The following PLCB2 variants were observed in gnomAD, a reference collection of about 807,000 sequenced individuals.
The protein encoded by PLCB2 is phospholipase C beta 2, also known as 1-phosphatidylinositol 4,5-bisphosphate phosphodiesterase beta-2.
In PLCB2, 115 loss-of-function variants were observed where a neutral mutation model predicts 141.7. The ratio of observed to expected loss-of-function variants is 0.81; its 90% CI spans 0.70 to 0.95. PLCB2 has a LOEUF of 0.95. Among genes scored for constraint, PLCB2 ranks in the 40% least tolerant of loss-of-function variants. The pLI is 0.00. For synonymous variants in PLCB2, 603 were observed against 595.6 expected (o/e 1.01, Z -0.18); for missense variants, 1,403 against 1,541.1 (o/e 0.91, Z 1.50).
chr15:40,302,593 T>C lies in PLCB2; in HGVS notation c.248A>G (p.Asp83Gly), dbSNP rs759386070. The C allele has an allele frequency of 1.2e-5, 20 of 1,614,190 alleles. No individual in the cohort carries two copies. In the South Asian group the frequency reaches 2.0e-4, roughly 16 times the overall value. ...AKMPKSQKLR[D>G]VFNMDFPDNS... ...ATCAGGAAAGTCCATGTTGAAGACG[T>C]CCCGGAGCTTCTGGCTCTGCAGCAC... Residue 83 changes from aspartate (D) to glycine (G), a missense_variant, in exon 4 of 32, where the codon GAC becomes GGC. This residue lies in a region of PLCB2 where 975 missense variants were observed against 1,141.1 expected (regional missense o/e 0.85). Transcript: ENST00000260402.
rs1037909798 is a variant in PLCB2, at chr15:40,291,819, C to T, written c.2602+30G>A. The T allele has an allele frequency of 3.1e-6, 5 of 1,613,832 alleles. No homozygotes were observed. In the African/African-American group the frequency reaches 4.0e-5, roughly 13 times the overall value. ...CTGTGGGTGCAGAGGTGGAGGTGCC[C>T]CCAGTAGGTGTGCGGACCGAAGCTC... On this transcript the variant is annotated intron_variant, in intron 24 of 31. Transcript: ENST00000260402.
At chr15:40,284,634 G>A (rs1479016639), downstream of PLCB2, 2 of 449,838 alleles carry the variant, frequency 4.4e-6, no homozygotes, top group South Asian at 1.6e-5. Context: ...GAGATCAAGG[G>A]ATCGAGACCA....
downstream of PLCB2, chr15:40,284,493 C>T (rs1409294823): frequency 4.4e-6 from 2 of 455,878 alleles, no homozygotes; most frequent in South Asian, 3.1e-5. Flanking sequence ...GGCTCTCGGG[C>T]CTTTTAAAGA....
At chr15:40,294,885 G>C (rs1262639943) in intron 18 of PLCB2, 51 bp downstream of exon 18, 7 of 1,612,274 alleles carry the variant, frequency 4.3e-6, no homozygotes, top group Admixed American at 1.7e-5. Context: ...TGTAAAGGTG[G>C]GGGGCGCAGG....
In PLCB2 at chr15:40,298,674, G is replaced by A. The variant is rs778475807; in HGVS notation, c.885C>T (p.Leu295=). The A allele has an allele frequency of 4.7e-5, 76 of 1,614,078 alleles. No homozygotes were observed. Among genetic ancestry groups the A allele is most frequent in the Non-Finnish European group, 6.1e-5 (72 of 1,180,030 alleles). Residue 295 remains leucine, a synonymous_variant, in exon 10 of 32, where the codon CTC becomes CTT. Transcript: ENST00000260402. ...CCAGCACGCTGTTCTCTGGCCCACA[G>A]AGAAACCAGACCATGCCTTCAGGTG... ...QLSPEGMVWF[L]CGPENSVLAQ...
In PLCB2 at chr15:40,296,757, C is replaced by T. The variant is rs375606189; in HGVS notation, c.1475G>A (p.Gly492Asp). The T allele has an allele frequency of 5.0e-6, 8 of 1,613,324 alleles. No homozygotes were observed. Among genetic ancestry groups the T allele is most frequent in the East Asian group, 4.5e-5 (2 of 44,886 alleles). ...CCTCCCCGACTCACCTGTGCCCTCA[C>T]CTGCAGGGGCACTGGGTGGGCTGCT... ...EGSSPPSAPAGEGTVWAGEEG... is the reference protein window; with the variant it reads ...EGSSPPSAPADEGTVWAGEEG... The change falls in exon 14 of 32, where the codon GGT (glycine) becomes GAT (aspartate). Residue 492 changes from glycine (G) to aspartate (D), a missense_variant. Transcript: ENST00000260402.
At position 40,296,310 on chromosome 15, in the gene PLCB2, A is replaced by C; in HGVS notation, c.1682T>G (p.Phe561Cys). 3 of 1,613,346 alleles carry C rather than the reference A, an allele frequency of 1.9e-6. No homozygotes were observed. Among genetic ancestry groups the C allele is most frequent in the Non-Finnish European group, 2.5e-6 (3 of 1,179,644 alleles). Residue 561 changes from phenylalanine (F) to cysteine (C), a missense_variant, in exon 16 of 32, where the codon TTT becomes TGT. Phe to Cys is a radical substitution (Grantham distance 205, BLOSUM62 -2). Around this residue, in one of 4 missense-constraint regions of PLCB2, gnomAD observed 975 missense variants for 1,141.1 expected, o/e 0.85. Coordinates refer to ENST00000260402, the MANE Select transcript of PLCB2 (RefSeq NM_004573.3). ...NYIQPTKFVS[F>C]EFSAQKNRSY... ...TGCTAACTTACGGGCAGAGAACTCA[A>C]AGGAGACGAACTTGGTGGGCTGGAT...
In PLCB2 at chr15:40,288,239, G is replaced by A. The variant is rs2039660121; in HGVS notation, c.*476C>T. 2.0e-6 allele frequency: 2 copies of A among 986,520 alleles called. No individual in the cohort carries two copies. Among genetic ancestry groups the A allele is most frequent in the Non-Finnish European group, 2.4e-6 (2 of 830,766 alleles). The allele number at this position is 986,520 out of a possible 1,614,324, so 61.1% of individuals were successfully genotyped here. A position where few individuals can be genotyped will look rare whatever the true frequency, so the allele number is the denominator to read the frequency against. The stretch of plus-strand genomic sequence containing the variant: ...GAGCTGTGAGGTAGTGCCAGGATCT[G>A]CCTCAAGGAGTGGACAAGGCCAACT... On this transcript the variant is annotated 3_prime_UTR_variant, in exon 32 of 32. Coordinates refer to ENST00000260402, the MANE Select transcript of PLCB2 (RefSeq NM_004573.3).
chr15:40,290,473 G>C, intron 29 of PLCB2, 104 bp downstream of exon 29: 1 of 855,066 alleles, frequency 1.2e-6, no homozygotes, highest in Non-Finnish European at 2.0e-6. Flanking sequence ...AGAGCCAGGG[G>C]ACAGATGCAT....
downstream of PLCB2, among the ~76,000 whole-genome samples, chr15:40,284,836 CAAAAA>C (rs56397946): frequency 9.4e-3 from 700 of 74,820 alleles, 6 homozygotes; most frequent in African/African-American, 0.045. Context: ...GAGACTCCGT[CAAAAA>C]AAAAAAAAAA....
At chr15:40,290,704 T>A (rs756202548) in intron 28 of PLCB2, 32 bp from the exon 29 acceptor site, 4 of 1,612,374 alleles carry the variant, frequency 2.5e-6, no homozygotes, top group Non-Finnish European at 3.4e-6. Context: ...GGAGCTGTTT[T>A]GTGCGGCTGA....
intron 1 of PLCB2, among the ~76,000 whole-genome samples, chr15:40,305,453 G>C (rs938059817): frequency 3.3e-5 from 5 of 152,166 alleles, no homozygotes; most frequent in African/African-American, 1.2e-4. Context: ...AGCTAACTGT[G>C]TGAGGCAGAG....
chr15:40,290,525 T>A, intron 29 of PLCB2, 52 bp downstream of exon 29: 1 of 1,321,468 alleles, frequency 7.6e-7, no homozygotes, highest in Admixed American at 1.7e-5. Context: ...AGAGGCCCCT[T>A]TCCACCTGAA....
At position 40,302,202 on chromosome 15, in the gene PLCB2, A is replaced by G. The variant is rs1161299275; in HGVS notation, c.453-13T>C. 6.2e-7 allele frequency: 1 copy of G among 1,613,456 alleles called. No individual in the cohort carries two copies. Among genetic ancestry groups the G allele is most frequent in the Admixed American group, 1.7e-5 (1 of 60,008 alleles). ...GAGCTTCACAAGGCTGGGGGCAGAA[A>G]GCAGCCCGTCAAGGCCCAGGGCTGG... is the stretch of plus-strand genomic sequence containing the variant. On this transcript the variant is annotated splice_polypyrimidine_tract_variant and intron_variant, in intron 5 of 31. Coordinates refer to ENST00000260402, the MANE Select transcript of PLCB2 (RefSeq NM_004573.3).
rs1315242472 is a variant in PLCB2 at position 40,294,361 on chromosome 15, G to T, written c.1966C>A (p.Leu656Ile). ...GGCCGGCGCATGAACTCATGCTTGA[G>T]GAGGTAGCCGCTCTGCCCGTTGAAC... ...FEFNGQSGYL[L>I]KHEFMRRPDK... Residue 656 changes from leucine (L) to isoleucine (I), a missense_variant, in exon 19 of 32, where the codon CTC becomes ATC. Physicochemically the swap from Leu to Ile is conservative, Grantham distance 5 (BLOSUM62 2). Coordinates refer to ENST00000260402, the MANE Select transcript of PLCB2 (RefSeq NM_004573.3). The T allele has an allele frequency of 1.2e-6, 2 of 1,614,090 alleles. No homozygotes were observed. Among genetic ancestry groups the T allele is most frequent in the Non-Finnish European group, 1.7e-6 (2 of 1,180,034 alleles).
chr15:40,297,449 C>G lies in PLCB2; in HGVS notation c.1323+72G>C. 1 of 1,169,038 alleles carries G rather than the reference C, an allele frequency of 8.6e-7. No individual in the cohort carries two copies. Among genetic ancestry groups the G allele is most frequent in the Non-Finnish European group, 1.3e-6 (1 of 774,726 alleles). The allele number at this position is 1,169,038 out of a possible 1,614,324, so 72.4% of individuals were successfully genotyped here. A position where few individuals can be genotyped will look rare whatever the true frequency, so the allele number is the denominator to read the frequency against. On this transcript the variant is annotated intron_variant, in intron 13 of 31. Coordinates refer to ENST00000260402, the MANE Select transcript of PLCB2 (RefSeq NM_004573.3). The surrounding 1 kb of genome is among the most constrained non-coding windows in gnomAD (Gnocchi z 4.2). ...GCATCCTCTGGGAGTGTCTCCCTCCCTAACCTGGTTCTCACCCTGCCCCAG... is the reference window on the plus strand; with the variant it reads ...GCATCCTCTGGGAGTGTCTCCCTCCGTAACCTGGTTCTCACCCTGCCCCAG...
At chr15:40,289,435 C>G in intron 30 of PLCB2, 77 bp from the exon 31 acceptor site, 1 of 1,096,506 alleles carries the variant, frequency 9.1e-7, no homozygotes. Flanking sequence ...GTAATCCCAG[C>G]TAACTAGTTG....
rs11853982 is a variant in PLCB2, at chr15:40,297,402, G to A, written c.1323+119C>T. 3.3e-3 allele frequency: 2,558 copies of A among 777,674 alleles called. 8 individuals are homozygous for A. Among genetic ancestry groups the A allele is most frequent in the Non-Finnish European group, 4.8e-3 (2,127 of 440,236 alleles). The allele number at this position is 777,674 out of a possible 1,614,324, so 48.2% of individuals were successfully genotyped here. ...CGGAAGGTGACAGGATCCCAGACCC[G>A]CATCTAACCAAGTGAACCCTAGCAT... is the stretch of plus-strand genomic sequence containing the variant. On this transcript the variant is annotated intron_variant, in intron 13 of 31. Coordinates refer to ENST00000260402, the MANE Select transcript of PLCB2 (RefSeq NM_004573.3). This position sits in a 1 kb window ranked among gnomAD's most constrained non-coding sequence, Gnocchi z 4.2.
rs769262071 is a variant in PLCB2, at chr15:40,299,111, C to T, written c.683+17G>A. On this transcript the variant is annotated intron_variant, in intron 8 of 31. Coordinates refer to ENST00000260402, the MANE Select transcript of PLCB2 (RefSeq NM_004573.3). Reference sequence around the variant, plus strand: ...CACCACCCTTTTCCCATGACCAGCACAACCCAAGAAACTCACTAAGAAGTG... The same window carrying T: ...CACCACCCTTTTCCCATGACCAGCATAACCCAAGAAACTCACTAAGAAGTG... The T allele has an allele frequency of 1.3e-5, 21 of 1,599,134 alleles. No homozygotes were observed. The Admixed American group carries it at 2.2e-4, about 17-fold the overall frequency.
Sources: gnomAD v4.1 joint callset for allele counts (sites outside exome capture counted in the v4.1 genomes callset) on GRCh38, gnomAD v4.1.1 for gene constraint, gnomAD v4.1.1 regional missense constraint, Gnocchi (gnomAD v3.1) non-coding constraint, MANE v1.5 for transcripts, NCBI Gene and HGNC (gene_info 2026-07-23, HGNC 2026-07-21) for gene names.